The following GRM5 variants were observed in gnomAD, a reference collection of about 807,000 sequenced individuals.
The protein encoded by GRM5 is metabotropic glutamate receptor 5.
In GRM5, 19 loss-of-function variants were observed where a neutral mutation model predicts 83.1. That is an observed-to-expected ratio of 0.23 (90% CI 0.16 to 0.34). GRM5 has a LOEUF of 0.34. Ranked by LOEUF, GRM5 falls within the 10% of genes least tolerant of loss-of-function variation. GRM5 has a pLI of 1.00. For missense variants in GRM5, 1,160 were observed against 1,588.3 expected (o/e 0.73, Z 4.58); for synonymous variants, 675 against 633.6 (o/e 1.07, Z -0.98).
chr11:88,555,084 G>A (rs1942595637), intron 8 of GRM5, among the ~76,000 whole-genome samples: 1 of 152,090 alleles, frequency 6.6e-6, no homozygotes, highest in African/African-American at 2.4e-5. Flanking sequence ...GACCATTTGT[G>A]TCCCTTACCA....
At chr11:88,945,932 C>A (rs1278335610) in intron 2 of GRM5, among the ~76,000 whole-genome samples, 1 of 151,994 alleles carries the variant, frequency 6.6e-6, no homozygotes, top group East Asian at 1.9e-4. Flanking sequence ...AAGAAATGAT[C>A]AACCAAGTAA....
chr11:88,515,646 G>T lies in GRM5; in HGVS notation c.2727-6142C>A, dbSNP rs148409174. 7.0e-3 allele frequency among the ~76,000 whole-genome samples: 1,069 copies of T among 152,258 alleles called. 14 individuals are homozygous for T. The highest frequency in any genetic ancestry group is 0.024 in the African/African-American group (1,012 of 41,564). ...ATCTCACTAAACTACTCTTCATCCTGACATTTAAGTTCTAGGTCTTAGCTG... is the reference window on the plus strand; with the variant it reads ...ATCTCACTAAACTACTCTTCATCCTTACATTTAAGTTCTAGGTCTTAGCTG... On this transcript the variant is annotated intron_variant, in intron 9 of 9. Transcript: ENST00000305447.
intron 2 of GRM5, among the ~76,000 whole-genome samples, chr11:88,949,153 T>C (rs1305073476): frequency 6.6e-6 from 1 of 152,246 alleles, no homozygotes; most frequent in Non-Finnish European, 1.5e-5. Flanking sequence ...GATTATGTAA[T>C]AAAAGTACAG....
chr11:88,706,697 A>G (rs7930982), intron 3 of GRM5, among the ~76,000 whole-genome samples: 12,727 of 152,134 alleles, frequency 0.084, 645 homozygotes, highest in African/African-American at 0.15. Context: ...GAAATAATAC[A>G]GAAAATGTTC....
intron 2 of GRM5, among the ~76,000 whole-genome samples, chr11:88,865,990 A>G (rs1197339664): frequency 2.0e-5 from 3 of 152,104 alleles, no homozygotes; most frequent in Non-Finnish European, 4.4e-5. Flanking sequence ...ATTGTGGAAG[A>G]CAGTGTGGCG....
chr11:88,536,457 T>G (rs1233702266), intron 8 of GRM5, among the ~76,000 whole-genome samples: 1 of 152,180 alleles, frequency 6.6e-6, no homozygotes, highest in African/African-American at 2.4e-5. Context: ...ATTTGTTAGC[T>G]CTCTCTTTCC....
intron 3 of GRM5, among the ~76,000 whole-genome samples, chr11:88,819,232 A>G (rs1256845907): frequency 1.3e-5 from 2 of 152,248 alleles, no homozygotes; most frequent in Non-Finnish European, 2.9e-5. Context: ...GCCACATCAC[A>G]TAACACTGTG....
intron 7 of GRM5, among the ~76,000 whole-genome samples, chr11:88,568,803 C>G (rs1377329044): frequency 1.3e-5 from 2 of 152,078 alleles, no homozygotes; most frequent in African/African-American, 2.4e-5. Flanking sequence ...TTCAGAGAAT[C>G]TTGTGGTCTA....
At chr11:88,987,299 G>A (rs969183175) in intron 2 of GRM5, among the ~76,000 whole-genome samples, 7 of 152,120 alleles carry the variant, frequency 4.6e-5, no homozygotes, top group Admixed American at 2.0e-4. Context: ...GCGCTTTTCC[G>A]ACGGGCTTAA....
intron 6 of GRM5, among the ~76,000 whole-genome samples, chr11:88,592,740 AT>A: frequency 6.6e-6 from 1 of 152,300 alleles, no homozygotes; most frequent in African/African-American, 2.4e-5. Context: ...TTTCACATCT[AT>A]TTTGAACACG....
At chr11:88,681,900 T>C (rs2135346699) in intron 3 of GRM5, among the ~76,000 whole-genome samples, 1 of 152,128 alleles carries the variant, frequency 6.6e-6, no homozygotes, top group East Asian at 1.9e-4. Flanking sequence ...TATACTCTTT[T>C]CTTTTTGTGA....
chr11:89,022,410 A>AG (rs769306525), intron 2 of GRM5, among the ~76,000 whole-genome samples: 2 of 151,678 alleles, frequency 1.3e-5, no homozygotes, highest in African/African-American at 2.4e-5. Context: ...TGGGAGGCCA[A>AG]GGGGGGCAGG....
At chr11:88,998,576 G>A (rs1940269183) in intron 2 of GRM5, among the ~76,000 whole-genome samples, 1 of 152,116 alleles carries the variant, frequency 6.6e-6, no homozygotes, top group Non-Finnish European at 1.5e-5. Context: ...AGATGTTCTA[G>A]CCAGTGCAAC....
intron 2 of GRM5, among the ~76,000 whole-genome samples, chr11:88,903,023 A>G (rs1945341970): frequency 6.6e-6 from 1 of 151,690 alleles, no homozygotes; most frequent in African/African-American, 2.4e-5. Flanking sequence ...GAGGACAAGC[A>G]ACAGCAGGGG....
At chr11:88,725,641 G>T (rs905756293) in intron 3 of GRM5, among the ~76,000 whole-genome samples, 2 of 152,130 alleles carry the variant, frequency 1.3e-5, no homozygotes, top group African/African-American at 4.8e-5. Flanking sequence ...GAGAGCTCTA[G>T]CTGGCATCTG....
chr11:88,798,130 A>C (rs1416355186), intron 3 of GRM5, among the ~76,000 whole-genome samples: 1 of 152,134 alleles, frequency 6.6e-6, no homozygotes, highest in African/African-American at 2.4e-5. Context: ...TCAAGTATCA[A>C]TTTCTAATGG....
In GRM5 at chr11:88,604,976, CAAATT is replaced by C; in HGVS notation, c.1148-17_1148-13del. The C allele has an allele frequency of 6.2e-7, 1 of 1,606,748 alleles. No homozygotes were observed. Among genetic ancestry groups the C allele is most frequent in the Non-Finnish European group, 8.5e-7 (1 of 1,174,070 alleles). On this transcript the variant is annotated splice_polypyrimidine_tract_variant and intron_variant, in intron 4 of 9. Transcript: ENST00000305447. Reference sequence around the variant, plus strand: ...CAGAGTCAGAGAACCTGTTGGGAAACAAATTAAGCATAGCTTTGAGGTACAAATCT... The same window carrying C: ...CAGAGTCAGAGAACCTGTTGGGAAACAAGCATAGCTTTGAGGTACAAATCT...
chr11:88,646,257 T>C (rs1939441951), intron 4 of GRM5, among the ~76,000 whole-genome samples: 1 of 152,098 alleles, frequency 6.6e-6, no homozygotes, highest in Non-Finnish European at 1.5e-5. Context: ...GCTTACTTTA[T>C]TACTGTTAAA....
chr11:88,937,489 A>G (rs1590978875), intron 2 of GRM5, among the ~76,000 whole-genome samples: 1 of 151,828 alleles, frequency 6.6e-6, no homozygotes, highest in Admixed American at 6.6e-5. Context: ...TTCATTTATC[A>G]GTAGTATTAT....
Sources: gnomAD v4.1 joint callset for allele counts (sites outside exome capture counted in the v4.1 genomes callset) on GRCh38, gnomAD v4.1.1 for gene constraint, MANE v1.5 for transcripts, NCBI Gene and HGNC (gene_info 2026-07-23, HGNC 2026-07-21) for gene names.